The following ADAP1 variants were observed in gnomAD, a reference collection of about 807,000 sequenced individuals.
ADAP1 encodes the protein ArfGAP with dual PH domains 1, also known as arf-GAP with dual PH domain-containing protein 1.
Under a neutral mutation model 54.9 loss-of-function variants are expected in ADAP1, and 31 were observed. That is an observed-to-expected ratio of 0.56 (90% confidence interval 0.42 to 0.76). The LOEUF (loss-of-function observed/expected upper bound fraction) is 0.76, where lower values mean the gene tolerates loss of function less well. ADAP1 is among the 30% of genes least tolerant of loss of function. The pLI, the probability that ADAP1 is intolerant of heterozygous loss-of-function variation, is 0.00. For synonymous variants in ADAP1, 313 were observed against 202.6 expected (o/e 1.55, Z -4.63); for missense variants, 535 against 512.4 (o/e 1.04, Z -0.42).
chr7:921,070 C>T (rs1364492346), intron 3 of ADAP1, among the ~76,000 whole-genome samples: 2 of 152,176 alleles, frequency 1.3e-5, no homozygotes, highest in Admixed American at 6.5e-5. Context: ...CCCCAAAATT[C>T]GGTCCCCGAA....
chr7:909,502 C>T (rs1303174487), intron 4 of ADAP1, among the ~76,000 whole-genome samples: 1 of 152,246 alleles, frequency 6.6e-6, no homozygotes, highest in African/African-American at 2.4e-5. Context: ...TTCAGGACGG[C>T]GCTGGCCACG....
intron 2 of ADAP1, chr7:927,249 G>A: frequency 8.0e-7 from 1 of 1,251,388 alleles, no homozygotes; most frequent in Non-Finnish European, 1.0e-6. Context: ...TGCTGCAGGA[G>A]GCTGTCGTTC....
chr7:943,932 T>C lies in ADAP1; in HGVS notation c.83-8427A>G, dbSNP rs186997886. On this transcript the variant is annotated intron_variant, in intron 1 of 10. Coordinates refer to ENST00000265846, the MANE Select transcript of ADAP1 (RefSeq NM_006869.4). ...AGAATTATTACTATTATTATTATTA[T>C]TGAGACAGGGTCTTGCTCTGTTGCC... Among the ~76,000 whole-genome samples the C allele has an allele frequency of 3.2e-3, 488 of 151,992 alleles. 11 individuals carry two copies. Among genetic ancestry groups the C allele is most frequent in the Admixed American group, 0.029 (444 of 15,260 alleles).
intron 3 of ADAP1, among the ~76,000 whole-genome samples, chr7:924,641 G>GAT (rs1223080918): frequency 6.6e-6 from 1 of 150,768 alleles, no homozygotes; most frequent in Non-Finnish European, 1.5e-5. Flanking sequence ...CTCATACAGG[G>GAT]ATTCACACCC....
upstream of ADAP1, chr7:954,797 C>G: frequency 1.2e-6 from 1 of 823,752 alleles, no homozygotes; most frequent in Non-Finnish European, 1.5e-6. Flanking sequence ...GCCCCCAGCC[C>G]GCGCGCCCCG....
intron 1 of ADAP1, among the ~76,000 whole-genome samples, chr7:936,413 G>T (rs1019752196): frequency 6.6e-6 from 1 of 152,056 alleles, no homozygotes; most frequent in Non-Finnish European, 1.5e-5. Context: ...GGCTGGCCTC[G>T]AACTCTTGAC....
chr7:953,201 C>T (rs1256059394), intron 1 of ADAP1, among the ~76,000 whole-genome samples: 1 of 152,216 alleles, frequency 6.6e-6, no homozygotes. Flanking sequence ...CCCCACCGCA[C>T]CATTGCACGG....
chr7:899,283 G>T, intron 9 of ADAP1, 22 bp from the exon 10 acceptor site: 2 of 1,611,826 alleles, frequency 1.2e-6, no homozygotes, highest in South Asian at 2.2e-5. Context: ...GACCGCACTG[G>T]AGGCGGGGCC....
intron 1 of ADAP1, among the ~76,000 whole-genome samples, chr7:939,692 G>A (rs541433260): frequency 2.0e-5 from 3 of 152,038 alleles, no homozygotes; most frequent in East Asian, 3.9e-4. Flanking sequence ...TTAGCCGGGC[G>A]TGGTGGCGGG....
chr7:919,053 G>A (rs767031511), intron 4 of ADAP1, among the ~76,000 whole-genome samples: 2 of 152,150 alleles, frequency 1.3e-5, no homozygotes, highest in Non-Finnish European at 2.9e-5. Flanking sequence ...AGGCCCCCAT[G>A]GCACTGCCTC....
At chr7:918,972 G>A (rs963340928) in intron 4 of ADAP1, among the ~76,000 whole-genome samples, 12 of 151,944 alleles carry the variant, frequency 7.9e-5, no homozygotes, top group African/African-American at 2.9e-4. Context: ...CCAGAGGCTT[G>A]GCCAGCTAAG....
At chr7:899,352 G>A in intron 9 of ADAP1, 67 bp downstream of exon 9, 1 of 1,606,588 alleles carries the variant, frequency 6.2e-7, no homozygotes, top group Non-Finnish European at 8.5e-7. Context: ...CCGCCCTCCT[G>A]GTCACGCATC....
Position 954,632 on chromosome 7 carries a change from T to C in ADAP1, c.-155A>G. The C allele has an allele frequency of 1.0e-6, 1 of 981,660 alleles. No individual in the cohort carries two copies. The highest frequency in any genetic ancestry group is 4.6e-5 in the South Asian group (1 of 21,944). The allele number at this position is 981,660 out of a possible 1,614,324, so 60.8% of individuals were successfully genotyped here. On this transcript the variant is annotated 5_prime_UTR_variant, in exon 1 of 11. Coordinates refer to ENST00000265846, the MANE Select transcript of ADAP1 (RefSeq NM_006869.4). Reference sequence around the variant, plus strand: ...CCGGTTCCGCATTCCCGCCGCCCTCTGGGCTCCGCCGCCGCCGCTCGTGTC... The same window carrying C: ...CCGGTTCCGCATTCCCGCCGCCCTCCGGGCTCCGCCGCCGCCGCTCGTGTC...
intron 2 of ADAP1, among the ~76,000 whole-genome samples, chr7:932,210 C>A (rs983425615): frequency 6.6e-6 from 1 of 152,230 alleles, no homozygotes; most frequent in Admixed American, 6.5e-5. Flanking sequence ...TCGCACCAGA[C>A]CTCTGCGGCA....
At chr7:930,132 C>G (rs1846523314) in intron 2 of ADAP1, among the ~76,000 whole-genome samples, 1 of 141,976 alleles carries the variant, frequency 7.0e-6, no homozygotes. Flanking sequence ...AAAAAACCCT[C>G]AGGCAGAGAA....
intron 1 of ADAP1, among the ~76,000 whole-genome samples, chr7:944,404 G>A (rs527409335): frequency 6.6e-5 from 10 of 151,736 alleles, no homozygotes; most frequent in Non-Finnish European, 1.2e-4. Context: ...ACAGGCGCCC[G>A]CCACCATGCC....
At chr7:947,792 C>T (rs998980929) in intron 1 of ADAP1, among the ~76,000 whole-genome samples, 14 of 152,048 alleles carry the variant, frequency 9.2e-5, no homozygotes, top group African/African-American at 3.1e-4. Flanking sequence ...GGCTGGGACA[C>T]TCCTCGGCTC....
At chr7:905,664 A>T (rs1381919660) in intron 4 of ADAP1, 2 of 202,674 alleles carry the variant, frequency 9.9e-6, no homozygotes, top group East Asian at 1.1e-4. Flanking sequence ...GAGAAAGGAG[A>T]AAGGAGAAAG....
Position 900,177 on chromosome 7 carries a change from A to G in ADAP1, c.733-13T>C. 1.2e-6 allele frequency: 2 copies of G among 1,612,942 alleles called. No homozygotes were observed. The highest frequency in any genetic ancestry group is 2.7e-5 in the African/African-American group (2 of 75,018). On this transcript the variant is annotated splice_polypyrimidine_tract_variant and intron_variant, in intron 7 of 10. Transcript: ENST00000265846. ...GCTTTGGCACCAGCTAGGGCAGGAC[A>G]CACCAGGCAGGGGACCTCAGAAGTG...
Sources: allele counts gnomAD v4.1 joint callset (sites outside exome capture counted in the v4.1 genomes callset), GRCh38; gene constraint gnomAD v4.1.1; transcripts MANE v1.5; gene names NCBI Gene and HGNC (gene_info 2026-07-23, HGNC 2026-07-21).